Variants in SPIDR observed in about 807,000 individuals in gnomAD.
SPIDR encodes the protein DNA repair-scaffolding protein.
SPIDR carries 93 observed loss-of-function variants against 104.6 expected under a neutral mutation model. That is an observed-to-expected ratio of 0.89 (90% CI 0.75 to 1.06). The LOEUF is 1.06. SPIDR is among the 50% of genes least tolerant of loss of function. The probability of loss-of-function intolerance (pLI) is 0.00; values close to 1 mark genes in which losing one functional copy is unlikely to be tolerated. For synonymous variants in SPIDR, 431 were observed against 416.9 expected, an observed-to-expected ratio of 1.03 and a Z score of -0.41; for missense variants, 1,154 against 1,111.2, an observed-to-expected ratio of 1.04 and a Z score of -0.55.
At chr8:47,579,534 A>G (rs776622055) in intron 8 of SPIDR, among the ~76,000 whole-genome samples, 1 of 152,206 alleles carries the variant, frequency 6.6e-6, no homozygotes, top group African/African-American at 2.4e-5. Context: ...TCATTTAAAT[A>G]TGATTAGCTA....
At chr8:47,565,625 TTATAG>T (rs1238752604) in intron 8 of SPIDR, among the ~76,000 whole-genome samples, 1 of 151,846 alleles carries the variant, frequency 6.6e-6, no homozygotes, top group Admixed American at 6.6e-5. Flanking sequence ...TAAAAATATT[TTATAG>T]TCTTTACTCA....
At chr8:47,709,365 C>T (rs2081524549) in intron 14 of SPIDR, among the ~76,000 whole-genome samples, 2 of 152,224 alleles carry the variant, frequency 1.3e-5, no homozygotes, top group Non-Finnish European at 2.9e-5. Context: ...GTCTCGAACT[C>T]CTGACCTCAG....
intron 5 of SPIDR, 25 bp downstream of exon 5, chr8:47,294,055 T>C: frequency 6.3e-7 from 1 of 1,599,132 alleles, no homozygotes; most frequent in South Asian, 1.1e-5. Context: ...TTTCAAAACT[T>C]TTATTCACTT....
chr8:47,446,732 G>A (rs531264262), intron 8 of SPIDR, among the ~76,000 whole-genome samples: 56 of 152,058 alleles, frequency 3.7e-4, no homozygotes, highest in Non-Finnish European at 6.8e-4. Flanking sequence ...GATTACAGGT[G>A]TGCGCCACCA....
intron 4 of SPIDR, among the ~76,000 whole-genome samples, chr8:47,293,081 A>C (rs1044965171): frequency 6.6e-6 from 1 of 150,920 alleles, no homozygotes; most frequent in Admixed American, 6.6e-5. Flanking sequence ...GCCATTATGC[A>C]TCTGCTTCTC....
chr8:47,418,244 C>G (rs1554676914), intron 7 of SPIDR, among the ~76,000 whole-genome samples: 1 of 152,158 alleles, frequency 6.6e-6, no homozygotes, highest in African/African-American at 2.4e-5. Flanking sequence ...ATTGATTCTT[C>G]CTATCCATGA....
At chr8:47,321,448 TACAA>T (rs782236426) in intron 5 of SPIDR, among the ~76,000 whole-genome samples, 10 of 151,974 alleles carry the variant, frequency 6.6e-5, no homozygotes, top group Non-Finnish European at 1.0e-4. Flanking sequence ...TAAAAGAGGA[TACAA>T]ACAAACAGAA....
chr8:47,646,526 A>C (rs925727750), intron 10 of SPIDR, among the ~76,000 whole-genome samples: 5 of 152,244 alleles, frequency 3.3e-5, no homozygotes, highest in African/African-American at 1.2e-4. Flanking sequence ...CAGCATTAGG[A>C]AATTAAAAAT....
chr8:47,501,386 T>G (rs1246072090), intron 8 of SPIDR, among the ~76,000 whole-genome samples: 1 of 152,142 alleles, frequency 6.6e-6, no homozygotes, highest in African/African-American at 2.4e-5. Context: ...TTCCTAGGTA[T>G]TTTATTCTCT....
At chr8:47,292,448 T>A (rs376697954) in intron 4 of SPIDR, among the ~76,000 whole-genome samples, 1 of 152,224 alleles carries the variant, frequency 6.6e-6, no homozygotes, top group Non-Finnish European at 1.5e-5. Context: ...TTGGTTTGTC[T>A]TCATACATTT....
intron 10 of SPIDR, among the ~76,000 whole-genome samples, chr8:47,663,310 CA>C (rs2074401992): frequency 6.6e-6 from 1 of 152,246 alleles, no homozygotes; most frequent in Non-Finnish European, 1.5e-5. Context: ...ATCACTCACA[CA>C]GTCTGTAGTT....
intron 5 of SPIDR, among the ~76,000 whole-genome samples, chr8:47,310,190 C>T (rs782387361): frequency 8.6e-5 from 13 of 151,446 alleles, no homozygotes; most frequent in South Asian, 4.2e-4. Context: ...AAAAATTAGC[C>T]GGGCGTGTTG....
At chr8:47,590,995 A>G (rs1290393382) in intron 8 of SPIDR, among the ~76,000 whole-genome samples, 1 of 152,046 alleles carries the variant, frequency 6.6e-6, no homozygotes, top group African/African-American at 2.4e-5. Context: ...TACATGATGT[A>G]TCTTTTCTCA....
chr8:47,614,991 T>C (rs1429324355), intron 10 of SPIDR, among the ~76,000 whole-genome samples: 1 of 152,202 alleles, frequency 6.6e-6, no homozygotes, highest in African/African-American at 2.4e-5. Flanking sequence ...ATAATATACA[T>C]GCTTTGCGAA....
chr8:47,286,968 A>G (rs997148003), intron 3 of SPIDR, among the ~76,000 whole-genome samples: 2 of 152,142 alleles, frequency 1.3e-5, no homozygotes, highest in Admixed American at 6.6e-5. Flanking sequence ...CAATATTTCA[A>G]CGTAGGTTCT....
At chr8:47,701,674 G>A (rs1057049928) in intron 12 of SPIDR, 47 bp from the exon 13 acceptor site, 4 of 1,574,026 alleles carry the variant, frequency 2.5e-6, no homozygotes, top group Admixed American at 1.9e-5. Context: ...CTCTTTTTGA[G>A]TCTTTTAACA....
intron 14 of SPIDR, among the ~76,000 whole-genome samples, chr8:47,704,399 T>G (rs553827194): frequency 6.6e-6 from 1 of 152,218 alleles, no homozygotes; most frequent in Non-Finnish European, 1.5e-5. Flanking sequence ...CTGCTGTCTC[T>G]GATACACACA....
At chr8:47,429,294 G>T (rs569057488) in intron 7 of SPIDR, among the ~76,000 whole-genome samples, 46 of 152,238 alleles carry the variant, frequency 3.0e-4, no homozygotes, top group African/African-American at 1.1e-3. Context: ...TCTTTTGTGT[G>T]ACATTCTTTG....
At chr8:47,659,803 A>G (rs2073772381) in intron 10 of SPIDR, 5 of 826,150 alleles carry the variant, frequency 6.1e-6, no homozygotes, top group Non-Finnish European at 7.3e-6. Flanking sequence ...AAGAGATTAT[A>G]AAGTGGAGGG....
Sources: gnomAD v4.1 joint callset for allele counts (sites outside exome capture counted in the v4.1 genomes callset) on GRCh38, gnomAD v4.1.1 for gene constraint, MANE v1.5 for transcripts, NCBI Gene and HGNC (gene_info 2026-07-23, HGNC 2026-07-21) for gene names.